The following LPGAT1 variants were observed in gnomAD, a reference collection of about 807,000 sequenced individuals.
LPGAT1 encodes acyl-CoA:lysophosphatidylglycerol acyltransferase 1.
A neutral mutation model predicts 47.5 loss-of-function variants in LPGAT1; 11 were observed. The observed-to-expected ratio is 0.23, with a 90% CI of 0.15 to 0.38. The LOEUF is 0.38. LPGAT1 is among the 10% of genes least tolerant of loss of function. LPGAT1 has a pLI of 1.00. For synonymous variants in LPGAT1, 138 were observed against 144.2 expected (o/e 0.96, Z 0.31); for missense variants, 293 against 439.0 (o/e 0.67, Z 2.97).
Position 211,830,587 on chromosome 1 carries a change from G to T in LPGAT1, c.-42C>A, listed in dbSNP as rs1660703409. 1.7e-6 allele frequency: 2 copies of T among 1,209,160 alleles called. No homozygotes were observed. Among genetic ancestry groups the T allele is most frequent in the Non-Finnish European group, 2.1e-6 (2 of 973,406 alleles). 74.9% of individuals were successfully genotyped at this position (1,209,160 alleles called of 1,614,324 possible). A position where few individuals can be genotyped will look rare whatever the true frequency, so the allele number is the denominator to read the frequency against. Reference sequence around the variant, plus strand: ...CCGGAGGTTACCTCGGGCTGGCCGGGCCCCAGCCGGGGCTTTGGGAGTCAG... The same window carrying T: ...CCGGAGGTTACCTCGGGCTGGCCGGTCCCCAGCCGGGGCTTTGGGAGTCAG... On this transcript the variant is annotated 5_prime_UTR_variant, in exon 1 of 8. Coordinates refer to ENST00000366997, the MANE Select transcript of LPGAT1 (RefSeq NM_014873.3). The surrounding 1 kb of genome is among the most constrained non-coding windows in gnomAD (Gnocchi z 5.9).
chr1:211,799,847 C>T (rs575686540), intron 2 of LPGAT1, among the ~76,000 whole-genome samples: 1 of 152,282 alleles, frequency 6.6e-6, no homozygotes, highest in South Asian at 2.1e-4. Context: ...TGGCTCTTTT[C>T]CCTAGTCTTC....
chr1:211,755,397 G>A lies in LPGAT1; in HGVS notation c.855-4330C>T, dbSNP rs372073712. The stretch of plus-strand genomic sequence containing the variant: ...TATAGTATAGATAGTAGAACATGAT[G>A]TTTAGACCAGCAAATAAATATTGAA... On this transcript the variant is annotated intron_variant, in intron 6 of 7. Transcript: ENST00000366997. Among the ~76,000 whole-genome samples, 17 of 151,426 alleles carry A rather than the reference G, an allele frequency of 1.1e-4. 1 individual carries two copies. The South Asian group carries it at 3.6e-3, about 32-fold the overall frequency.
rs139988400 is a variant in LPGAT1, at chr1:211,766,581, G to A, written c.854+12337C>T. Among the ~76,000 whole-genome samples, 3 of 152,320 alleles carry A rather than the reference G, an allele frequency of 2.0e-5. No individual in the cohort carries two copies. The East Asian group carries it at 5.8e-4, about 29-fold the overall frequency. On this transcript the variant is annotated intron_variant, in intron 6 of 7. Transcript: ENST00000366997. ...AATACTGCACACAGATGGGCATTTT[G>A]TAGAGATGATGGGATGTGAAAACAA...
At chr1:211,780,997 A>G (rs1345704566) in intron 5 of LPGAT1, among the ~76,000 whole-genome samples, 1 of 152,234 alleles carries the variant, frequency 6.6e-6, no homozygotes, top group Non-Finnish European at 1.5e-5. Flanking sequence ...TTAATCAGAC[A>G]GAACTTAATT....
At chr1:211,764,017 C>G (rs942481928) in intron 6 of LPGAT1, among the ~76,000 whole-genome samples, 12 of 152,066 alleles carry the variant, frequency 7.9e-5, no homozygotes, top group African/African-American at 2.9e-4. Context: ...ACTAAAAATA[C>G]AAAAATTAGC....
chr1:211,829,171 T>C lies in LPGAT1; in HGVS notation c.126A>G (p.Ile42Met), dbSNP rs771248722. Reference sequence around the variant, plus strand: ...TGTCCAGCACTCGAAGGGGCTGAAGTATAATTACATAGCAGATGTAGGATG... The same window carrying C: ...TGTCCAGCACTCGAAGGGGCTGAAGCATAATTACATAGCAGATGTAGGATG... ...AIPSYICYVI[I>M]LQPLRVLDSK... Residue 42 changes from isoleucine to methionine, a missense_variant, in exon 2 of 8, where the codon ATA becomes ATG. Physicochemically the swap from Ile to Met is conservative, Grantham distance 10. Transcript: ENST00000366997. 6.2e-7 allele frequency: 1 copy of C among 1,614,128 alleles called. No individual in the cohort carries two copies. The highest frequency in any genetic ancestry group is 1.1e-5 in the South Asian group (1 of 91,080).
At chr1:211,819,034 T>C (rs1660273570) in intron 2 of LPGAT1, among the ~76,000 whole-genome samples, 2 of 152,232 alleles carry the variant, frequency 1.3e-5, no homozygotes, top group African/African-American at 4.8e-5. Context: ...GTGGCAGTGC[T>C]ATTTTAATTA....
intron 2 of LPGAT1, among the ~76,000 whole-genome samples, chr1:211,807,310 C>T (rs906474799): frequency 2.6e-5 from 4 of 151,608 alleles, no homozygotes; most frequent in African/African-American, 9.7e-5. Context: ...GATTAAAAGA[C>T]TCAACATAGC....
intron 2 of LPGAT1, among the ~76,000 whole-genome samples, chr1:211,801,237 C>T (rs1659562759): frequency 6.6e-6 from 1 of 152,196 alleles, no homozygotes; most frequent in African/African-American, 2.4e-5. Context: ...ATATTCTTAT[C>T]ACCAGGAATG....
At chr1:211,787,418 G>A (rs1658926087) in intron 4 of LPGAT1, among the ~76,000 whole-genome samples, 1 of 151,074 alleles carries the variant, frequency 6.6e-6, no homozygotes, top group African/African-American at 2.4e-5. Flanking sequence ...AACCCAGGAA[G>A]TGGAGGTTAC....
chr1:211,782,972 G>A (rs1658702846), intron 5 of LPGAT1, among the ~76,000 whole-genome samples: 1 of 152,128 alleles, frequency 6.6e-6, no homozygotes, highest in African/African-American at 2.4e-5. Flanking sequence ...GTTTACTGCA[G>A]CGGTGGGAAT....
At chr1:211,774,162 T>C (rs1658293940) in intron 6 of LPGAT1, among the ~76,000 whole-genome samples, 1 of 101,724 alleles carries the variant, frequency 9.8e-6, no homozygotes, top group Non-Finnish European at 2.2e-5. Context: ...TGAGACAGAG[T>C]CTTGATCTGT....
At chr1:211,775,400 G>A (rs959489704) in intron 6 of LPGAT1, among the ~76,000 whole-genome samples, 5 of 152,076 alleles carry the variant, frequency 3.3e-5, no homozygotes, top group African/African-American at 4.8e-5. Context: ...GAATTCTGAC[G>A]GTAAGGAATG....
chr1:211,800,035 T>TTTATTATTA (rs58672865), intron 2 of LPGAT1, among the ~76,000 whole-genome samples: 4 of 150,976 alleles, frequency 2.6e-5, no homozygotes, highest in East Asian at 2.0e-4. Flanking sequence ...ACTACCATTC[T>TTTATTATTA]TTATTATTAT....
At chr1:211,802,985 A>G (rs1043228321) in intron 2 of LPGAT1, 7 of 152,204 alleles carry the variant, frequency 4.6e-5, no homozygotes, top group African/African-American at 1.7e-4. Context: ...GATTATTATT[A>G]AAATAATAAT....
chr1:211,773,483 A>C (rs1658261034), intron 6 of LPGAT1, among the ~76,000 whole-genome samples: 1 of 152,212 alleles, frequency 6.6e-6, no homozygotes, highest in Admixed American at 6.5e-5. Flanking sequence ...CAAGTTACAC[A>C]TGAAAACAAC....
At chr1:211,786,378 A>C (rs199526339) in intron 4 of LPGAT1, among the ~76,000 whole-genome samples, 1 of 128,086 alleles carries the variant, frequency 7.8e-6, no homozygotes, top group Non-Finnish European at 1.8e-5. Flanking sequence ...ATTATTCATT[A>C]AGTAATAATT....
chr1:211,765,621 A>G (rs1657877839), intron 6 of LPGAT1, among the ~76,000 whole-genome samples: 2 of 152,196 alleles, frequency 1.3e-5, no homozygotes, highest in African/African-American at 4.8e-5. Flanking sequence ...TAAACCCCCA[A>G]AGAGTCAAGG....
At position 211,784,875 on chromosome 1, in the gene LPGAT1, G is replaced by C. The variant is rs535803248; in HGVS notation, c.454-1373C>G. On this transcript the variant is annotated intron_variant, in intron 4 of 7. Coordinates refer to ENST00000366997, the MANE Select transcript of LPGAT1 (RefSeq NM_014873.3). Reference sequence around the variant, plus strand: ...CTGGAGTGCAGTGGTGCGATCTCGGGTCACTGCAAGCTCTGCCTCCCGGGT... The same window carrying C: ...CTGGAGTGCAGTGGTGCGATCTCGGCTCACTGCAAGCTCTGCCTCCCGGGT... 3.9e-4 allele frequency among the ~76,000 whole-genome samples: 59 copies of C among 150,962 alleles called. 1 individual carries two copies. The highest frequency in any genetic ancestry group is 2.0e-3 in the Admixed American group (31 of 15,152).
Sources: gnomAD v4.1 joint callset for allele counts (sites outside exome capture counted in the v4.1 genomes callset) on GRCh38, gnomAD v4.1.1 for gene constraint, Gnocchi (gnomAD v3.1) non-coding constraint, MANE v1.5 for transcripts, NCBI Gene and HGNC (gene_info 2026-07-23, HGNC 2026-07-21) for gene names.